CCDC102B: variants seen among roughly 807,000 people sequenced by gnomAD.
The protein encoded by CCDC102B is coiled-coil domain containing 102B.
CCDC102B carries 75 observed loss-of-function variants against 57.4 expected under a neutral mutation model. The ratio of observed to expected loss-of-function variants is 1.31; its 90% confidence interval spans 1.08 to 1.58. CCDC102B has a LOEUF of 1.58. Ranked by LOEUF, CCDC102B falls within the 40% of genes most tolerant of loss-of-function variation. The probability of loss-of-function intolerance (pLI) is 0.00; values close to 1 mark genes in which losing one functional copy is unlikely to be tolerated. For synonymous variants in CCDC102B, 206 were observed against 201.9 expected (o/e 1.02, Z -0.17); for missense variants, 636 against 582.6 (o/e 1.09, Z -0.94).
intron 2 of CCDC102B, among the ~76,000 whole-genome samples, chr18:68,770,937 T>C (rs1002056560): frequency 6.6e-6 from 1 of 152,234 alleles, no homozygotes; most frequent in Non-Finnish European, 1.5e-5. Context: ...GAATATTTAA[T>C]ATGGTAAAAT....
intron 2 of CCDC102B, among the ~76,000 whole-genome samples, chr18:68,769,404 C>T (rs114369332): frequency 0.012 from 1,856 of 152,220 alleles, 39 homozygotes; most frequent in African/African-American, 0.042. Flanking sequence ...AAGGCCCCAT[C>T]TCCAAATAAC....
At chr18:68,750,954 T>TA (rs922827521) in intron 2 of CCDC102B, among the ~76,000 whole-genome samples, 45 of 147,726 alleles carry the variant, frequency 3.0e-4, no homozygotes, top group African/African-American at 6.6e-4. Context: ...ATAATAATAA[T>TA]AAAAAAAAAC....
intron 1 of CCDC102B, 65 bp from the exon 2 acceptor site, chr18:68,836,684 A>G: frequency 9.4e-6 from 7 of 747,656 alleles, no homozygotes; most frequent in South Asian, 2.0e-5. Flanking sequence ...AAAAAAGTGT[A>G]GGTCTTGTTC....
At chr18:68,870,343 G>T (rs529904135) in intron 4 of CCDC102B, among the ~76,000 whole-genome samples, 3 of 152,226 alleles carry the variant, frequency 2.0e-5, no homozygotes, top group South Asian at 4.1e-4. Flanking sequence ...ATGTATCCCA[G>T]AACTTAAAGT....
chr18:68,780,598 T>C (rs953117079), intron 2 of CCDC102B, among the ~76,000 whole-genome samples: 5 of 152,168 alleles, frequency 3.3e-5, no homozygotes, highest in Non-Finnish European at 7.4e-5. Flanking sequence ...TATGTTTTTA[T>C]AATCTTAGCT....
At chr18:69,027,018 T>C (rs1369760329) in intron 7 of CCDC102B, among the ~76,000 whole-genome samples, 1 of 152,192 alleles carries the variant, frequency 6.6e-6, no homozygotes, top group Non-Finnish European at 1.5e-5. Context: ...CCATCACGAA[T>C]TGAGGGAGTA....
chr18:69,015,505 T>C (rs1012402693), intron 7 of CCDC102B, among the ~76,000 whole-genome samples: 1 of 152,240 alleles, frequency 6.6e-6, no homozygotes, highest in African/African-American at 2.4e-5. Flanking sequence ...GTTTTATTGC[T>C]GAACTTTTCA....
chr18:68,762,940 G>A (rs544829070), intron 2 of CCDC102B, among the ~76,000 whole-genome samples: 107 of 152,036 alleles, frequency 7.0e-4, no homozygotes, highest in African/African-American at 2.5e-3. Flanking sequence ...AGATAAGGGG[G>A]GACTACTGTA....
chr18:68,967,172 C>A (rs952544566), intron 6 of CCDC102B, among the ~76,000 whole-genome samples: 3 of 136 alleles, frequency 0.022, no homozygotes, highest in African/African-American at 0.065. Context: ...GTGTAGAACA[C>A]CCCTCTTCCC....
intron 2 of CCDC102B, among the ~76,000 whole-genome samples, chr18:68,762,992 T>C (rs1018803983): frequency 3.3e-5 from 5 of 151,940 alleles, no homozygotes; most frequent in African/African-American, 1.2e-4. Flanking sequence ...ACAAAGGCCT[T>C]AGGGGGGAAA....
intron 2 of CCDC102B, among the ~76,000 whole-genome samples, chr18:68,749,759 A>G (rs1209513412): frequency 6.6e-6 from 1 of 152,056 alleles, no homozygotes; most frequent in Non-Finnish European, 1.5e-5. Context: ...CTAATTGAAT[A>G]CCCTTTCTTT....
chr18:68,915,088 T>C (rs3862694), intron 6 of CCDC102B, among the ~76,000 whole-genome samples: 141,452 of 152,256 alleles, frequency 0.93, 65,763 homozygotes, highest in East Asian at 0.99. Flanking sequence ...GATGTATTTT[T>C]AAGGCTATTT....
intron 3 of CCDC102B, among the ~76,000 whole-genome samples, chr18:68,841,993 C>T (rs1568281849): frequency 2.0e-5 from 3 of 152,100 alleles, no homozygotes; most frequent in Non-Finnish European, 4.4e-5. Flanking sequence ...ACCGCCTTGG[C>T]TTCCCAAAGT....
chr18:68,859,097 A>G (rs549882583), intron 4 of CCDC102B: 1 of 151,344 alleles, frequency 6.6e-6, no homozygotes, highest in African/African-American at 2.4e-5. Context: ...TGGTACCAAA[A>G]CAGAGATATA....
intron 2 of CCDC102B, among the ~76,000 whole-genome samples, chr18:68,774,298 A>G (rs2034739040): frequency 6.6e-6 from 1 of 151,408 alleles, no homozygotes; most frequent in Non-Finnish European, 1.5e-5. Flanking sequence ...AAATAAGTAT[A>G]GTTTTATATA....
chr18:68,740,987 A>C (rs2033355030), intron 2 of CCDC102B, among the ~76,000 whole-genome samples: 1 of 152,120 alleles, frequency 6.6e-6, no homozygotes, highest in Non-Finnish European at 1.5e-5. Flanking sequence ...CATGTTGCAA[A>C]TGTTGAGAAA....
chr18:68,804,562 A>C (rs1469397803), intron 1 of CCDC102B, among the ~76,000 whole-genome samples: 1 of 152,146 alleles, frequency 6.6e-6, no homozygotes, highest in East Asian at 1.9e-4. Flanking sequence ...TGGGGCAGCT[A>C]CCAGGGAGTA....
intron 2 of CCDC102B, among the ~76,000 whole-genome samples, chr18:68,756,897 G>GTGTGTC (rs750517555): frequency 6.6e-6 from 1 of 152,126 alleles, no homozygotes; most frequent in African/African-American, 2.4e-5. Context: ...GTGTGTGTGT[G>GTGTGTC]TGTGTGTCTG....
At chr18:68,943,662 C>T (rs1239756082) in intron 6 of CCDC102B, among the ~76,000 whole-genome samples, 2 of 152,072 alleles carry the variant, frequency 1.3e-5, no homozygotes, top group Non-Finnish European at 2.9e-5. Flanking sequence ...TTTACACATC[C>T]AATGCTGATA....
Sources: allele counts gnomAD v4.1 joint callset (sites outside exome capture counted in the v4.1 genomes callset), GRCh38; gene constraint gnomAD v4.1.1; transcripts MANE v1.5; gene names NCBI Gene and HGNC (gene_info 2026-07-23, HGNC 2026-07-21).